The following DNAAF10 variants were observed in gnomAD, a reference collection of about 807,000 sequenced individuals.
DNAAF10 encodes dynein axonemal assembly factor 10.
Under a neutral mutation model 43.7 loss-of-function variants are expected in DNAAF10, and 28 were observed. The observed-to-expected ratio is 0.64, with a 90% CI of 0.48 to 0.88. The LOEUF (loss-of-function observed/expected upper bound fraction) is 0.88, where lower values mean the gene tolerates loss of function less well. Ranked by LOEUF, DNAAF10 falls within the 40% of genes least tolerant of loss-of-function variation. The probability of loss-of-function intolerance (pLI) is 0.00; values close to 1 mark genes in which losing one functional copy is unlikely to be tolerated. For missense variants in DNAAF10, 403 were observed against 439.1 expected (o/e 0.92, Z 0.73); for synonymous variants, 156 against 157.3 (o/e 0.99, Z 0.06).
chr2:68,154,194 T>G (rs1046964887), intron 1 of DNAAF10, among the ~76,000 whole-genome samples: 1 of 152,174 alleles, frequency 6.6e-6, no homozygotes, highest in African/African-American at 2.4e-5. Flanking sequence ...CTCAGACAAC[T>G]CATGGTAGAA....
chr2:68,131,341 A>G lies in DNAAF10; in HGVS notation c.971T>C (p.Ile324Thr). 1 of 1,614,180 alleles carries G rather than the reference A, an allele frequency of 6.2e-7. No homozygotes were observed. Among genetic ancestry groups the G allele is most frequent in the South Asian group, 1.1e-5 (1 of 91,086 alleles). The change falls in exon 8 of 8, where the codon ATT becomes ACT. Residue 324 changes from isoleucine (I) to threonine (T), a missense_variant. Ile to Thr is a moderately conservative substitution (Grantham distance 89). Transcript: ENST00000295121. ...LQNVTLSTQP[I>T]SSLDWSPDKR... ...ATCTGGACTCCAATCCAAACTTGAAATGGGCTGGGTGGACAACGTAACATT... is the reference window on the plus strand; with the variant it reads ...ATCTGGACTCCAATCCAAACTTGAAGTGGGCTGGGTGGACAACGTAACATT...
At chr2:68,137,796 G>A (rs1673080141) in intron 5 of DNAAF10, among the ~76,000 whole-genome samples, 1 of 151,590 alleles carries the variant, frequency 6.6e-6, no homozygotes, top group Non-Finnish European at 1.5e-5. Flanking sequence ...GAACCCGGGA[G>A]GCAGAGGTTG....
intron 1 of DNAAF10, 52 bp downstream of exon 1, chr2:68,157,209 A>G (rs773455628): frequency 4.5e-6 from 7 of 1,568,832 alleles, no homozygotes; most frequent in Non-Finnish European, 6.0e-6. Context: ...TGCAGACCCC[A>G]GGATCCGCAC....
chr2:68,134,613 C>T, intron 7 of DNAAF10, 89 bp downstream of exon 7: 2 of 1,562,166 alleles, frequency 1.3e-6, no homozygotes, highest in Non-Finnish European at 1.7e-6. Context: ...TAAGTCAAAG[C>T]AGGAAAAAAA....
At chr2:68,151,613 A>C (rs1423161384) in intron 1 of DNAAF10, among the ~76,000 whole-genome samples, 1 of 152,208 alleles carries the variant, frequency 6.6e-6, no homozygotes, top group African/African-American at 2.4e-5. Flanking sequence ...TGTTGAATGA[A>C]GGTATAAATG....
intron 4 of DNAAF10, among the ~76,000 whole-genome samples, chr2:68,139,631 A>G (rs1231147205): frequency 6.6e-6 from 1 of 151,308 alleles, no homozygotes; most frequent in Non-Finnish European, 1.5e-5. Flanking sequence ...TAAAAAAAAA[A>G]AAAAAAGAAA....
intron 3 of DNAAF10, among the ~76,000 whole-genome samples, chr2:68,142,257 C>A (rs934552003): frequency 2.0e-5 from 3 of 151,900 alleles, no homozygotes; most frequent in African/African-American, 7.2e-5. Flanking sequence ...ATTTCTTTTT[C>A]TTTCTTTCTT....
intron 4 of DNAAF10, 43 bp from the exon 5 acceptor site, chr2:68,138,900 C>G: frequency 7.2e-7 from 1 of 1,390,648 alleles, no homozygotes; most frequent in Non-Finnish European, 1.0e-6. Flanking sequence ...ATAAATGCAT[C>G]CTTATAAAGG....
chr2:68,132,225 C>T lies in DNAAF10; in HGVS notation c.867-780G>A, dbSNP rs562870612. ...TCCTCAGAAGGCCTTTTAAAACCTA[C>T]TAGTATCAATTATGACAACATCTTT... is the stretch of plus-strand genomic sequence containing the variant. On this transcript the variant is annotated intron_variant, in intron 7 of 7. Transcript: ENST00000295121. Among the ~76,000 whole-genome samples, 5 of 152,286 alleles carry T rather than the reference C, an allele frequency of 3.3e-5. No individual in the cohort carries two copies. In the South Asian group the frequency reaches 1.0e-3, roughly 32 times the overall value.
chr2:68,134,441 G>A, intron 7 of DNAAF10: 1 of 1,238,310 alleles, frequency 8.1e-7, no homozygotes, highest in Non-Finnish European at 1.0e-6. Flanking sequence ...AAAAGTCTTG[G>A]GCCAACTTTT....
chr2:68,131,210 G>T lies in DNAAF10; in HGVS notation c.*28C>A. 1 of 1,611,794 alleles carries T rather than the reference G, an allele frequency of 6.2e-7. No individual in the cohort carries two copies. The highest frequency in any genetic ancestry group is 1.1e-5 in the South Asian group (1 of 91,022). Reference sequence around the variant, plus strand: ...TGGGATTACAGGAGTGAGCCACCGTGCCCAGCCTCAAGTCCAAAGTCTTGA... The same window carrying T: ...TGGGATTACAGGAGTGAGCCACCGTTCCCAGCCTCAAGTCCAAAGTCTTGA... On this transcript the variant is annotated 3_prime_UTR_variant, in exon 8 of 8. Transcript: ENST00000295121.
Position 68,130,053 on chromosome 2 carries a change from GAATTA to G in DNAAF10, c.*1180_*1184del, listed in dbSNP as rs1672892541. 6.8e-6 allele frequency: 1 copy of G among 146,798 alleles called. No individual in the cohort carries two copies. Among genetic ancestry groups the G allele is most frequent in the African/African-American group, 2.5e-5 (1 of 39,796 alleles). 9.1% of individuals were successfully genotyped at this position (146,798 alleles called of 1,614,324 possible). ...TTAAAATCAAAGCATTTTGTTTTAT[GAATTA>G]AATTGCAGAAAATAGCTACCCAAAT... On this transcript the variant is annotated 3_prime_UTR_variant, in exon 8 of 8. Coordinates refer to ENST00000295121, the MANE Select transcript of DNAAF10 (RefSeq NM_138458.4).
At chr2:68,136,700 C>A (rs921757021) in intron 6 of DNAAF10, among the ~76,000 whole-genome samples, 3 of 152,196 alleles carry the variant, frequency 2.0e-5, no homozygotes, top group Admixed American at 1.3e-4. Flanking sequence ...TCCCCCCAGT[C>A]CAGAAACTAT....
rs773137122 is a variant in DNAAF10, at chr2:68,131,283, G to A, written c.1029C>T (p.Asp343=). The change falls in exon 8 of 8, where the codon GAC becomes GAT. Residue 343 remains aspartate, a synonymous_variant. Coordinates refer to ENST00000295121, the MANE Select transcript of DNAAF10 (RefSeq NM_138458.4). ...TAACGATCAGTACTCTCACCGTTTGGTCAAATGAACTACAGACGCAGAGAC... is the reference window on the plus strand; with the variant it reads ...TAACGATCAGTACTCTCACCGTTTGATCAAATGAACTACAGACGCAGAGAC... The part of the protein sequence containing the change: ...KRGLCVCSSF[D]QTVRVLIVTK... The A allele has an allele frequency of 1.1e-5, 17 of 1,613,958 alleles. No homozygotes were observed. Among genetic ancestry groups the A allele is most frequent in the Non-Finnish European group, 1.4e-5 (16 of 1,180,016 alleles).
At chr2:68,137,248 T>G (rs752983247) in intron 6 of DNAAF10, 51 bp downstream of exon 6, 8 of 1,574,938 alleles carry the variant, frequency 5.1e-6, no homozygotes, top group Non-Finnish European at 6.9e-6. Flanking sequence ...CTTATCAGTC[T>G]AAACCAAGCT....
intron 7 of DNAAF10, among the ~76,000 whole-genome samples, chr2:68,132,444 T>C (rs1672945857): frequency 6.6e-6 from 1 of 152,254 alleles, no homozygotes; most frequent in Non-Finnish European, 1.5e-5. Flanking sequence ...ACCTTTCACA[T>C]ATCTCTTGGC....
intron 3 of DNAAF10, 21 bp from the exon 4 acceptor site, chr2:68,141,816 T>A (rs564989891): frequency 1.3e-6 from 2 of 1,599,728 alleles, no homozygotes; most frequent in South Asian, 2.2e-5. Context: ...TAAAAGTGAG[T>A]TGGCAAAAAT....
chr2:68,134,025 A>AT (rs946645235), intron 7 of DNAAF10: 1 of 610,682 alleles, frequency 1.6e-6, no homozygotes, highest in Admixed American at 6.3e-5. Context: ...GAAAGATATA[A>AT]TTTTTCCCCT....
rs199700133 is a variant in DNAAF10, at chr2:68,130,109, G to GATATATATATATATATATATAT, written c.*1128_*1129insATATATATATATATATATATAT. On this transcript the variant is annotated 3_prime_UTR_variant, in exon 8 of 8. Transcript: ENST00000295121. ...CTAGACCAACCGTGCCGTTTTGAGA[G>GATATATATATATATATATATAT]AGAGAGATATATATATATATATTTG... 7.7e-6 allele frequency: 1 copy of GATATATATATATATATATATAT among 129,208 alleles called. No homozygotes were observed. Among genetic ancestry groups the GATATATATATATATATATATAT allele is most frequent in the African/African-American group, 3.3e-5 (1 of 29,962 alleles). The allele number at this position is 129,208 out of a possible 1,614,324, so 8.0% of individuals were successfully genotyped here.
Sources: gnomAD v4.1 joint callset for allele counts (sites outside exome capture counted in the v4.1 genomes callset) on GRCh38, gnomAD v4.1.1 for gene constraint, MANE v1.5 for transcripts, NCBI Gene and HGNC (gene_info 2026-07-23, HGNC 2026-07-21) for gene names.